CLEC9A: variants seen among roughly 807,000 people sequenced by gnomAD.
The protein encoded by CLEC9A is C-type lectin domain family 9 member A.
CLEC9A carries 24 observed loss-of-function variants against 30.0 expected under a neutral mutation model. The ratio of observed to expected loss-of-function variants is 0.80; its 90% confidence interval spans 0.58 to 1.13. The LOEUF (loss-of-function observed/expected upper bound fraction) is 1.13. CLEC9A is among the 50% of genes most tolerant of loss of function. The pLI is 0.00. For missense variants in CLEC9A, 251 were observed against 280.9 expected (o/e 0.89, Z 0.76); for synonymous variants, 111 against 96.8 (o/e 1.15, Z -0.86).
intron 2 of CLEC9A, among the ~76,000 whole-genome samples, chr12:10,051,269 GC>G (rs745428457): frequency 2.2e-4 from 33 of 151,844 alleles, no homozygotes; most frequent in Non-Finnish European, 4.7e-4. Flanking sequence ...CTCTTCAGTT[GC>G]CCCTGGGGAT....
In CLEC9A at chr12:10,061,048, T is replaced by C. The variant is rs1055596065; in HGVS notation, c.173-79T>C. Reference sequence around the variant, plus strand: ...TCTCAAAAATAATAGTAATTTGTACTTGTCTTTAGTCTGTGTTGAAGGATT... The same window carrying C: ...TCTCAAAAATAATAGTAATTTGTACCTGTCTTTAGTCTGTGTTGAAGGATT... On this transcript the variant is annotated intron_variant, in intron 5 of 8. Transcript: ENST00000355819. 3 of 1,470,682 alleles carry C rather than the reference T, an allele frequency of 2.0e-6. No homozygotes were observed. In the African/African-American group the frequency reaches 4.4e-5, roughly 21 times the overall value. 91.1% of individuals were successfully genotyped at this position (1,470,682 alleles called of 1,614,324 possible). A position where few individuals can be genotyped will look rare whatever the true frequency, so the allele number is the denominator to read the frequency against.
chr12:10,065,354 C>T, intron 8 of CLEC9A, 146 bp from the exon 9 acceptor site: 2 of 720,444 alleles, frequency 2.8e-6, no homozygotes, highest in Non-Finnish European at 4.4e-6. Flanking sequence ...GAAGCAGTTA[C>T]TGAAGAAGGA....
Position 10,057,953 on chromosome 12 carries a change from T to C in CLEC9A, c.173-3174T>C, listed in dbSNP as rs1865957753. ...CATCAATTAGGTATAATGTATGATA[T>C]CATATAACAAATAATTTTATTTGGG... On this transcript the variant is annotated intron_variant, in intron 5 of 8. Coordinates refer to ENST00000355819, the MANE Select transcript of CLEC9A (RefSeq NM_207345.4). 3.3e-5 allele frequency among the ~76,000 whole-genome samples: 5 copies of C among 152,158 alleles called. No homozygotes were observed. In the South Asian group the frequency reaches 1.0e-3, roughly 31 times the overall value.
chr12:10,038,943 TG>T (rs535291747), intron 1 of CLEC9A, among the ~76,000 whole-genome samples: 1 of 152,208 alleles, frequency 6.6e-6, no homozygotes, highest in Non-Finnish European at 1.5e-5. Flanking sequence ...ATGTGTGGTA[TG>T]GGGGTGGGCC....
At chr12:10,055,403 G>C (rs1165569583) in intron 5 of CLEC9A, among the ~76,000 whole-genome samples, 1 of 152,070 alleles carries the variant, frequency 6.6e-6, no homozygotes, top group Non-Finnish European at 1.5e-5. Flanking sequence ...AAAAATTGAG[G>C]ACTTTAAATG....
At chr12:10,031,318 T>C (rs927601470) in intron 1 of CLEC9A, among the ~76,000 whole-genome samples, 8 of 152,222 alleles carry the variant, frequency 5.3e-5, no homozygotes, top group Non-Finnish European at 1.2e-4. Context: ...GGTAGCTTCC[T>C]TACTCTTGCT....
chr12:10,042,367 T>G (rs985758635), intron 2 of CLEC9A, among the ~76,000 whole-genome samples: 1 of 152,210 alleles, frequency 6.6e-6, no homozygotes, highest in African/African-American at 2.4e-5. Flanking sequence ...TTCATATCTG[T>G]CAAGAACCTC....
Position 10,058,527 on chromosome 12 carries a change from A to G in CLEC9A, c.173-2600A>G, listed in dbSNP as rs1409408340. Among the ~76,000 whole-genome samples the G allele has an allele frequency of 1.7e-4, 26 of 152,156 alleles. 1 individual carries two copies. The highest frequency in any genetic ancestry group is 1.7e-3 in the Admixed American group (26 of 15,264). On this transcript the variant is annotated intron_variant, in intron 5 of 8. Transcript: ENST00000355819. ...GTTGATAAGTAAAACAGATCAGAAT[A>G]TGTAGATATGTAAATGTTTTCTTTT...
chr12:10,050,820 G>A (rs1865886814), intron 2 of CLEC9A, among the ~76,000 whole-genome samples: 3 of 152,120 alleles, frequency 2.0e-5, no homozygotes, highest in Non-Finnish European at 4.4e-5. Context: ...TTCTCCTCAA[G>A]ATAGAAGTGA....
chr12:10,045,064 A>G (rs1865833923), intron 2 of CLEC9A, among the ~76,000 whole-genome samples: 1 of 152,112 alleles, frequency 6.6e-6, no homozygotes, highest in African/African-American at 2.4e-5. Flanking sequence ...CCATGAACCT[A>G]TTCCCATCCA....
At chr12:10,047,978 A>G (rs1298812727) in intron 2 of CLEC9A, among the ~76,000 whole-genome samples, 1 of 151,682 alleles carries the variant, frequency 6.6e-6, no homozygotes, top group Admixed American at 6.6e-5. Flanking sequence ...CACGCCCTGT[A>G]ATCCCAGCAC....
intron 2 of CLEC9A, among the ~76,000 whole-genome samples, chr12:10,043,772 C>T (rs910914061): frequency 9.9e-5 from 15 of 151,984 alleles, no homozygotes; most frequent in African/African-American, 3.4e-4. Context: ...ACCTCCACCT[C>T]CTGGGTTCAA....
chr12:10,046,865 T>TA (rs1481069424), intron 2 of CLEC9A, among the ~76,000 whole-genome samples: 12 of 152,348 alleles, frequency 7.9e-5, no homozygotes, highest in Admixed American at 7.8e-4. Flanking sequence ...TTTGGATAAG[T>TA]AATTTAGTGT....
intron 5 of CLEC9A, among the ~76,000 whole-genome samples, chr12:10,054,617 T>A (rs1017497094): frequency 2.0e-5 from 3 of 152,216 alleles, no homozygotes; most frequent in Non-Finnish European, 4.4e-5. Context: ...TCTGATTCCA[T>A]TTGTGAGTCA....
chr12:10,065,231 T>C (rs1866033509), intron 8 of CLEC9A, among the ~76,000 whole-genome samples: 1 of 152,202 alleles, frequency 6.6e-6, no homozygotes, highest in African/African-American at 2.4e-5. Context: ...TTTTGAAAAT[T>C]AAGAGTCAGC....
intron 1 of CLEC9A, among the ~76,000 whole-genome samples, chr12:10,038,301 C>T (rs2137297046): frequency 6.6e-6 from 1 of 152,220 alleles, no homozygotes; most frequent in East Asian, 1.9e-4. Flanking sequence ...GTTTATTCTT[C>T]ACCTCATTCT....
At chr12:10,049,942 C>T (rs1174543895) in intron 2 of CLEC9A, among the ~76,000 whole-genome samples, 1 of 152,192 alleles carries the variant, frequency 6.6e-6, no homozygotes, top group Non-Finnish European at 1.5e-5. Flanking sequence ...ATGTCTTCCT[C>T]ACTAAACTTA....
intron 5 of CLEC9A, among the ~76,000 whole-genome samples, chr12:10,055,236 C>A (rs1265728264): frequency 2.6e-5 from 4 of 152,168 alleles, no homozygotes; most frequent in African/African-American, 2.4e-5. Context: ...CTTTCTTTTT[C>A]TCTATCTACT....
intron 1 of CLEC9A, among the ~76,000 whole-genome samples, chr12:10,039,937 C>T (rs1462216840): frequency 6.6e-6 from 1 of 152,060 alleles, no homozygotes; most frequent in East Asian, 1.9e-4. Flanking sequence ...ATTCTCATGC[C>T]TTAGCCTCCC....
Sources: gnomAD v4.1 joint callset for allele counts (sites outside exome capture counted in the v4.1 genomes callset) on GRCh38, gnomAD v4.1.1 for gene constraint, MANE v1.5 for transcripts, NCBI Gene and HGNC (gene_info 2026-07-23, HGNC 2026-07-21) for gene names.